The following PAX2 variants were observed in gnomAD, a reference collection of about 807,000 sequenced individuals.
The protein encoded by PAX2 is paired box 2, also known as paired box protein Pax-2.
Under a neutral mutation model 41.7 loss-of-function variants are expected in PAX2, and 9 were observed. The ratio of observed to expected loss-of-function variants is 0.22; its 90% CI spans 0.13 to 0.38. PAX2 has a LOEUF of 0.38. Among genes scored for constraint, PAX2 ranks in the 10% least tolerant of loss-of-function variants. The pLI, the probability that PAX2 is intolerant of heterozygous loss-of-function variation, is 1.00. For missense variants in PAX2, 418 were observed against 531.6 expected (o/e 0.79, Z 2.10); for synonymous variants, 221 against 212.7 (o/e 1.04, Z -0.34).
rs1231392697 is a variant in PAX2 at position 100,827,824 on chromosome 10, G to A, written c.*205G>A. 1.4e-5 allele frequency: 10 copies of A among 726,590 alleles called. No homozygotes were observed. Among genetic ancestry groups the A allele is most frequent in the Non-Finnish European group, 2.0e-5 (9 of 447,050 alleles). The allele number at this position is 726,590 out of a possible 1,614,324, so 45.0% of individuals were successfully genotyped here. On this transcript the variant is annotated 3_prime_UTR_variant, in exon 10 of 10. Transcript: ENST00000355243. This position sits in a 1 kb window ranked among gnomAD's most constrained non-coding sequence, Gnocchi z 8.5. ...ACAGGACGGGTGGAGCCGTGGGCGG[G>A]ACCCTCAGGCCCGGGCCCGCCGCCC...
intron 7 of PAX2, among the ~76,000 whole-genome samples, chr10:100,813,016 G>A (rs1231918654): frequency 6.6e-6 from 1 of 152,242 alleles, no homozygotes; most frequent in Non-Finnish European, 1.5e-5. Context: ...TAAGATAGCT[G>A]ATGAGCTAAA....
At chr10:100,776,871 A>G (rs1432531803) in intron 3 of PAX2, among the ~76,000 whole-genome samples, 4 of 152,022 alleles carry the variant, frequency 2.6e-5, no homozygotes, top group Admixed American at 2.0e-4. Context: ...TGTCTTGCAA[A>G]TTCTTCCCTT....
chr10:100,735,412 T>G (rs2133806050), exon 1 of PAX2, among the ~76,000 whole-genome samples: 1 of 152,296 alleles, frequency 6.6e-6, no homozygotes, highest in East Asian at 1.9e-4. Context: ...CGAGGGTGGC[T>G]GCTTGCCTGC....
At chr10:100,758,959 G>A (rs912222590) in intron 3 of PAX2, among the ~76,000 whole-genome samples, 1 of 152,242 alleles carries the variant, frequency 6.6e-6, no homozygotes, top group Admixed American at 6.5e-5. Context: ...TGTGGGTAGG[G>A]AGAGGCAGAA....
chr10:100,766,248 T>A (rs1011832463), intron 3 of PAX2, among the ~76,000 whole-genome samples: 7 of 152,196 alleles, frequency 4.6e-5, no homozygotes, highest in African/African-American at 1.7e-4. Flanking sequence ...CTCTGTATAT[T>A]TTGCAGTCTC....
chr10:100,749,943 C>T (rs767702848), intron 2 of PAX2, 29 bp downstream of exon 2: 16 of 1,606,472 alleles, frequency 1.0e-5, no homozygotes, highest in Non-Finnish European at 1.3e-5. Context: ...TCCCGGGAGA[C>T]GCCTTGCCTA....
chr10:100,825,298 G>T (rs1848511169), intron 8 of PAX2, among the ~76,000 whole-genome samples: 1 of 152,094 alleles, frequency 6.6e-6, no homozygotes. Flanking sequence ...CGGGAAGCAG[G>T]GAGAGTCGCT....
chr10:100,775,084 C>T (rs1458624799), intron 3 of PAX2, among the ~76,000 whole-genome samples: 1 of 152,164 alleles, frequency 6.6e-6, no homozygotes, highest in Non-Finnish European at 1.5e-5. Flanking sequence ...CACCTCCCAG[C>T]TTCTGAGCAG....
intron 1 of PAX2, among the ~76,000 whole-genome samples, chr10:100,737,337 T>C (rs1844805512): frequency 6.6e-6 from 1 of 152,224 alleles, no homozygotes; most frequent in African/African-American, 2.4e-5. Context: ...CTCAGGATAC[T>C]ACAGAAGAGA....
chr10:100,764,017 T>C (rs2133864003), intron 3 of PAX2, among the ~76,000 whole-genome samples: 1 of 152,308 alleles, frequency 6.6e-6, no homozygotes, highest in South Asian at 2.1e-4. Flanking sequence ...CTGGCAGGTA[T>C]TAAGTGCTCA....
intron 7 of PAX2, among the ~76,000 whole-genome samples, chr10:100,813,649 G>T (rs1848079791): frequency 6.6e-6 from 1 of 152,194 alleles, no homozygotes; most frequent in Admixed American, 6.5e-5. Flanking sequence ...CAAGGAAGGG[G>T]GCAGAATGGA....
chr10:100,774,209 AG>A (rs1846308474), intron 3 of PAX2, among the ~76,000 whole-genome samples: 1 of 152,218 alleles, frequency 6.6e-6, no homozygotes, highest in Non-Finnish European at 1.5e-5. Flanking sequence ...AGTTTCATGC[AG>A]GGCTTTCATT....
rs563073884 is a variant in PAX2 at position 100,748,588 on chromosome 10, C to T, written c.44-1158C>T. 23 of 985,430 alleles carry T rather than the reference C, an allele frequency of 2.3e-5. No individual in the cohort carries two copies. The East Asian group carries it at 2.4e-3, about 102-fold the overall frequency. 61.0% of individuals were successfully genotyped at this position (985,430 alleles called of 1,614,324 possible). On this transcript the variant is annotated intron_variant, in intron 1 of 9. Coordinates refer to ENST00000355243, the MANE Select transcript of PAX2 (RefSeq NM_000278.5). This position sits in a 1 kb window ranked among gnomAD's most constrained non-coding sequence, Gnocchi z 5.0. ...CGCTTGGATTGCTCAGTACCTGCGG[C>T]TACGGGTTGATCGCTCTGGGTGCAG...
intron 1 of PAX2, among the ~76,000 whole-genome samples, chr10:100,738,233 GAC>G (rs1844838570): frequency 6.6e-6 from 1 of 152,202 alleles, no homozygotes; most frequent in Non-Finnish European, 1.5e-5. Flanking sequence ...GCCTGGGGGA[GAC>G]ACAGCCTGAT....
exon 1 of PAX2, chr10:100,735,649 C>G (rs1215345272): frequency 9.5e-6 from 10 of 1,058,014 alleles, no homozygotes; most frequent in Non-Finnish European, 8.0e-6. Context: ...GTTGTCGGGC[C>G]GCGGAGGAGC....
Position 100,826,885 on chromosome 10 carries a change from C to A in PAX2, c.1022-124C>A. ...CCCGGCCCGCCCGCCACGGCCATTA[C>A]CCTGCCCGCGACACCTGCGCCTGAG... On this transcript the variant is annotated intron_variant, in intron 8 of 9. Coordinates refer to ENST00000355243, the MANE Select transcript of PAX2 (RefSeq NM_000278.5). This position sits in a 1 kb window ranked among gnomAD's most constrained non-coding sequence, Gnocchi z 5.5. 2 of 725,916 alleles carry A rather than the reference C, an allele frequency of 2.8e-6. No homozygotes were observed. The highest frequency in any genetic ancestry group is 1.7e-5 in the African/African-American group (1 of 57,446). The allele number at this position is 725,916 out of a possible 1,614,324, so 45.0% of individuals were successfully genotyped here.
In PAX2 at chr10:100,829,678, G is replaced by A. The variant is rs1001559166; in HGVS notation, c.*2059G>A. The A allele has an allele frequency of 6.4e-5, 13 of 203,786 alleles. No homozygotes were observed. The highest frequency in any genetic ancestry group is 3.0e-4 in the African/African-American group (13 of 43,546). 12.6% of individuals were successfully genotyped at this position (203,786 alleles called of 1,614,324 possible). A position where few individuals can be genotyped will look rare whatever the true frequency, so the allele number is the denominator to read the frequency against. The stretch of plus-strand genomic sequence containing the variant: ...AAAAGAGAAAAGAGAATCGTTTAAG[G>A]GAACCCGGCGCCCAGCCAGGCTCCA... On this transcript the variant is annotated 3_prime_UTR_variant, in exon 10 of 10. Coordinates refer to ENST00000355243, the MANE Select transcript of PAX2 (RefSeq NM_000278.5).
intron 3 of PAX2, among the ~76,000 whole-genome samples, chr10:100,769,487 G>A (rs1846133099): frequency 6.6e-6 from 1 of 151,924 alleles, no homozygotes; most frequent in African/African-American, 2.4e-5. Context: ...AATGAGCTGG[G>A]CGTGGTGGTG....
At chr10:100,823,655 G>A (rs1848444379) in intron 7 of PAX2, among the ~76,000 whole-genome samples, 1 of 152,176 alleles carries the variant, frequency 6.6e-6, no homozygotes, top group South Asian at 2.1e-4. Flanking sequence ...AGGGGTTAAG[G>A]GGGTTCCAGG....
Sources: allele counts gnomAD v4.1 joint callset (sites outside exome capture counted in the v4.1 genomes callset), GRCh38; gene constraint gnomAD v4.1.1; non-coding constraint Gnocchi (gnomAD v3.1); transcripts MANE v1.5; gene names NCBI Gene and HGNC (gene_info 2026-07-23, HGNC 2026-07-21).